RNF130: variants seen among roughly 807,000 people sequenced by gnomAD.
RNF130 encodes E3 ubiquitin-protein ligase RNF130.
RNF130 carries 21 observed loss-of-function variants against 44.6 expected under a neutral mutation model. The observed-to-expected ratio is 0.47, with a 90% CI of 0.33 to 0.68. The LOEUF (loss-of-function observed/expected upper bound fraction) is 0.68, where lower values mean the gene tolerates loss of function less well. Ranked by LOEUF, RNF130 falls within the 30% of genes least tolerant of loss-of-function variation. The probability of loss-of-function intolerance (pLI) is 0.02; values close to 1 mark genes in which losing one functional copy is unlikely to be tolerated. For synonymous variants in RNF130, 214 were observed against 210.4 expected (o/e 1.02, Z -0.15); for missense variants, 479 against 560.6 (o/e 0.85, Z 1.47).
chr5:179,914,154 A>G (rs1410728757), exon 8 of RNF130: 1 of 152,234 alleles, frequency 6.6e-6, no homozygotes. Flanking sequence ...ATGCTTTACC[A>G]ACAAGGCCAA....
intron 7 of RNF130, among the ~76,000 whole-genome samples, chr5:179,938,583 T>C (rs1761931013): frequency 2.0e-5 from 3 of 152,168 alleles, no homozygotes; most frequent in Non-Finnish European, 2.9e-5. Context: ...TTTCTCTTCT[T>C]TTTTTAGGCA....
chr5:179,948,961 A>ATTTTTT (rs554440602), intron 7 of RNF130, among the ~76,000 whole-genome samples: 3 of 128,606 alleles, frequency 2.3e-5, no homozygotes, highest in Non-Finnish European at 1.6e-5. Context: ...CCTTGGAATA[A>ATTTTTT]TTTTTTTTTT....
At chr5:179,990,238 C>A (rs975660489) in intron 3 of RNF130, among the ~76,000 whole-genome samples, 7 of 152,198 alleles carry the variant, frequency 4.6e-5, no homozygotes, top group African/African-American at 1.7e-4. Flanking sequence ...GTTTGAGTCA[C>A]CTCCAGTGAC....
At chr5:180,068,434 G>T (rs1765159018) in intron 1 of RNF130, among the ~76,000 whole-genome samples, 2 of 152,170 alleles carry the variant, frequency 1.3e-5, no homozygotes, top group African/African-American at 2.4e-5. Context: ...CCAGGCAAAT[G>T]ATTCTACACC....
intron 1 of RNF130, among the ~76,000 whole-genome samples, chr5:180,055,248 CAAAAAAAAAAAA>C (rs1205914690): frequency 3.8e-4 from 8 of 20,990 alleles, no homozygotes; most frequent in Admixed American, 1.4e-3. Flanking sequence ...GGTTCTGTCT[CAAAAAAAAAAAA>C]AAAAAAAAAA....
At chr5:180,058,337 T>A (rs1764886725) in intron 1 of RNF130, among the ~76,000 whole-genome samples, 2 of 152,204 alleles carry the variant, frequency 1.3e-5, no homozygotes, top group Admixed American at 1.3e-4. Context: ...TGCTAATTTT[T>A]AAAAATCTGG....
intron 3 of RNF130, among the ~76,000 whole-genome samples, chr5:179,988,216 G>C (rs756995404): frequency 9.2e-5 from 14 of 152,144 alleles, no homozygotes; most frequent in Non-Finnish European, 1.5e-4. Flanking sequence ...AGGTTTTCCA[G>C]TATGTTAGTG....
intron 7 of RNF130, among the ~76,000 whole-genome samples, chr5:179,936,513 GCCA>G (rs1383362862): frequency 6.6e-6 from 1 of 152,142 alleles, no homozygotes; most frequent in Non-Finnish European, 1.5e-5. Context: ...ACAGGTGTGA[GCCA>G]CCACACCTAG....
intron 7 of RNF130, among the ~76,000 whole-genome samples, chr5:179,936,554 A>G (rs891174197): frequency 6.6e-6 from 1 of 152,098 alleles, no homozygotes; most frequent in East Asian, 1.9e-4. Flanking sequence ...GGCTTTCCCC[A>G]CTAGATGTTT....
chr5:180,033,170 C>T (rs577203470), intron 2 of RNF130, among the ~76,000 whole-genome samples: 50 of 151,932 alleles, frequency 3.3e-4, no homozygotes, highest in Non-Finnish European at 5.6e-4. Context: ...TTTGTAGAGA[C>T]AGGGTCCCCC....
intron 3 of RNF130, among the ~76,000 whole-genome samples, chr5:180,005,352 T>C (rs1413562362): frequency 2.0e-5 from 3 of 152,068 alleles, no homozygotes; most frequent in Non-Finnish European, 4.4e-5. Flanking sequence ...GGTCTGAACC[T>C]GGGAGGCGGA....
intron 7 of RNF130, among the ~76,000 whole-genome samples, chr5:179,945,975 A>G (rs935031739): frequency 4.6e-5 from 7 of 152,222 alleles, no homozygotes; most frequent in Admixed American, 2.6e-4. Context: ...CCACGGCCGC[A>G]TCTGCCCAGC....
chr5:179,942,651 T>A (rs540598033), intron 7 of RNF130, among the ~76,000 whole-genome samples: 1 of 152,266 alleles, frequency 6.6e-6, no homozygotes, highest in African/African-American at 2.4e-5. Context: ...AGGAGAAAAT[T>A]TTCAGGTTAC....
At chr5:180,067,007 C>A (rs1765123825) in intron 1 of RNF130, among the ~76,000 whole-genome samples, 1 of 152,116 alleles carries the variant, frequency 6.6e-6, no homozygotes, top group Non-Finnish European at 1.5e-5. Context: ...CCAGCCCGGG[C>A]AACAGAGCAA....
At chr5:179,978,519 T>C (rs1186130229) in intron 4 of RNF130, among the ~76,000 whole-genome samples, 1 of 152,246 alleles carries the variant, frequency 6.6e-6, no homozygotes, top group East Asian at 1.9e-4. Context: ...TGTTATGATA[T>C]GTCTTACAAA....
chr5:179,937,126 A>ATATCATCAAAACGAAG (rs1561662457), intron 7 of RNF130, among the ~76,000 whole-genome samples: 8 of 83,094 alleles, frequency 9.6e-5, no homozygotes, highest in African/African-American at 3.4e-4. Flanking sequence ...TCAAAACGAA[A>ATATCATCAAAACGAAG]TATCATCAAA....
Position 179,962,391 on chromosome 5 carries a change from A to T in RNF130, c.1244+1080T>A, listed in dbSNP as rs138140206. Among the ~76,000 whole-genome samples the T allele has an allele frequency of 8.5e-3, 1,288 of 152,272 alleles. 26 individuals are homozygous for T. Among genetic ancestry groups the T allele is most frequent in the African/African-American group, 0.03 (1,228 of 41,560 alleles). The stretch of plus-strand genomic sequence containing the variant: ...TCAATTACAGTTTCTATAGCCAGAC[A>T]ATGGGCAGTCAATTACATCAACTGC... On this transcript the variant is annotated intron_variant, in intron 8 of 8. Transcript: ENST00000521389.
intron 3 of RNF130, among the ~76,000 whole-genome samples, chr5:179,984,511 C>T (rs1762911460): frequency 6.6e-6 from 1 of 152,130 alleles, no homozygotes; most frequent in African/African-American, 2.4e-5. Context: ...TGAGATCATA[C>T]AGTTTTAGCT....
intron 2 of RNF130, among the ~76,000 whole-genome samples, chr5:180,035,678 C>A (rs1582208111): frequency 6.6e-6 from 1 of 152,258 alleles, no homozygotes; most frequent in East Asian, 1.9e-4. Flanking sequence ...TATCTTAGGT[C>A]TCTGATATAT....
Sources: allele counts gnomAD v4.1 joint callset (sites outside exome capture counted in the v4.1 genomes callset), GRCh38; gene constraint gnomAD v4.1.1; transcripts MANE v1.5; gene names NCBI Gene and HGNC (gene_info 2026-07-23, HGNC 2026-07-21).